The following TRAK1 variants were observed in gnomAD, a reference collection of about 807,000 sequenced individuals.
The protein encoded by TRAK1 is trafficking kinesin-binding protein 1.
In TRAK1, 33 loss-of-function variants were observed where a neutral mutation model predicts 92.1. The ratio of observed to expected loss-of-function variants is 0.36; its 90% CI spans 0.27 to 0.48. TRAK1 has a LOEUF of 0.48. Ranked by LOEUF, TRAK1 falls within the 20% of genes least tolerant of loss-of-function variation. The pLI, the probability that TRAK1 is intolerant of heterozygous loss-of-function variation, is 0.99. For missense variants in TRAK1, 1,123 were observed against 1,257.9 expected, an observed-to-expected ratio of 0.89 and a Z score of 1.62; for synonymous variants, 521 against 517.3, an observed-to-expected ratio of 1.01 and a Z score of -0.10.
At chr3:42,100,038 T>C (rs1179807123) in intron 1 of TRAK1, among the ~76,000 whole-genome samples, 1 of 151,944 alleles carries the variant, frequency 6.6e-6, no homozygotes, top group Non-Finnish European at 1.5e-5. Flanking sequence ...TTGGAATGGA[T>C]TGAAGGAAAG....
chr3:42,124,501 G>A (rs569976371), intron 1 of TRAK1, among the ~76,000 whole-genome samples: 1 of 152,190 alleles, frequency 6.6e-6, no homozygotes, highest in African/African-American at 2.4e-5. Context: ...TTGCCATGTT[G>A]TCATGTTTGC....
chr3:42,210,424 A>AC, intron 14 of TRAK1: 1 of 1,230,796 alleles, frequency 8.1e-7, no homozygotes, highest in Non-Finnish European at 1.0e-6. Flanking sequence ...AAAAAAAAAA[A>AC]AGTGGGCTTT....
chr3:42,067,942 C>T lies in TRAK1; in HGVS notation c.-518-19162C>T, dbSNP rs537545936. On this transcript the variant is annotated intron_variant, in intron 1 of 16. Transcript: ENST00000487159. ...ATCCCAGCACTTTGAGAGGCCGAGG[C>T]GGGCAGATCATCTGAGGTCAGGAGT... is the stretch of plus-strand genomic sequence containing the variant. Among the ~76,000 whole-genome samples the T allele has an allele frequency of 7.6e-4, 115 of 151,974 alleles. 3 individuals are homozygous for T. In the South Asian group the frequency reaches 0.017, roughly 23 times the overall value.
chr3:42,047,550 A>C (rs1702804574), intron 1 of TRAK1, among the ~76,000 whole-genome samples: 1 of 151,822 alleles, frequency 6.6e-6, no homozygotes, highest in African/African-American at 2.4e-5. Flanking sequence ...AAGTGGACTT[A>C]AGATTTACTT....
At chr3:42,219,791 T>TTG (rs1559406340) in intron 15 of TRAK1, among the ~76,000 whole-genome samples, 195 bp downstream of exon 15, 2 of 135,378 alleles carry the variant, frequency 1.5e-5, no homozygotes, top group African/African-American at 5.8e-5. Flanking sequence ...TATGTGTTTT[T>TTG]TTTTTTTTTT....
intron 1 of TRAK1, among the ~76,000 whole-genome samples, chr3:42,021,912 A>G (rs991673650): frequency 6.6e-6 from 1 of 152,170 alleles, no homozygotes; most frequent in African/African-American, 2.4e-5. Flanking sequence ...GAATTTATAC[A>G]TGTGCTTGGC....
intron 6 of TRAK1, among the ~76,000 whole-genome samples, chr3:42,191,104 C>T (rs573916851): frequency 6.6e-6 from 1 of 152,292 alleles, no homozygotes; most frequent in African/African-American, 2.4e-5. Flanking sequence ...CTTGGGACCT[C>T]ATATGTTCAG....
intron 9 of TRAK1, 53 bp from the exon 10 acceptor site, chr3:42,194,751 G>T: frequency 6.3e-7 from 1 of 1,599,556 alleles, no homozygotes; most frequent in South Asian, 1.1e-5. Flanking sequence ...GCAGATGTGT[G>T]TACACCTGGG....
chr3:42,018,100 A>G (rs1216481747), intron 1 of TRAK1, among the ~76,000 whole-genome samples: 1 of 150,928 alleles, frequency 6.6e-6, no homozygotes, highest in Non-Finnish European at 1.5e-5. Context: ...AAAAAAAAAA[A>G]AAAAAGACAA....
intron 1 of TRAK1, among the ~76,000 whole-genome samples, chr3:42,039,560 C>T (rs557557427): frequency 8.5e-5 from 13 of 152,290 alleles, no homozygotes; most frequent in Middle Eastern, 6.8e-3. Flanking sequence ...GACAGGGTTT[C>T]GCCATATTGG....
chr3:42,050,476 C>T (rs1702935576), intron 1 of TRAK1, among the ~76,000 whole-genome samples: 1 of 152,156 alleles, frequency 6.6e-6, no homozygotes, highest in Non-Finnish European at 1.5e-5. Context: ...CCAGTTCCTA[C>T]AAGCCCTGAA....
intron 14 of TRAK1, chr3:42,212,350 C>T (rs1447785704): frequency 2.0e-6 from 2 of 985,430 alleles, no homozygotes; most frequent in African/African-American, 3.5e-5. Context: ...TAGGGAGACA[C>T]TTTGGAGACA....
At chr3:42,192,493 C>T (rs990704550) in intron 7 of TRAK1, among the ~76,000 whole-genome samples, 2 of 152,100 alleles carry the variant, frequency 1.3e-5, no homozygotes, top group Non-Finnish European at 2.9e-5. Flanking sequence ...TGCATTTCGT[C>T]AAAGTACTAT....
At chr3:42,120,420 T>A (rs1224355014) in intron 1 of TRAK1, among the ~76,000 whole-genome samples, 1 of 150,524 alleles carries the variant, frequency 6.6e-6, no homozygotes. Flanking sequence ...CTTTCCTCCA[T>A]GGTGGGCCGG....
rs546684656 is a variant in TRAK1, at chr3:42,058,787, G to A, written c.-518-28317G>A. 3.9e-5 allele frequency among the ~76,000 whole-genome samples: 6 copies of A among 152,230 alleles called. No individual in the cohort carries two copies. The East Asian group carries it at 1.2e-3, about 29-fold the overall frequency. On this transcript the variant is annotated intron_variant, in intron 1 of 16. Coordinates refer to the TRAK1 transcript ENST00000487159. ...CTCCCACCCCCACACACAACAGATC[G>A]TAAGATACGCCATTGCTTTATGTAC...
rs377704615 is a variant in TRAK1 at position 42,156,828 on chromosome 3, T to C, written c.287-19986T>C. ...GGAAACCAAATGATCAAAGTAAACA[T>C]TGGGCTTTAAAAACTGGAGCTTTAA... On this transcript the variant is annotated intron_variant, in intron 2 of 15. Transcript: ENST00000327628. Among the ~76,000 whole-genome samples, 148 of 152,222 alleles carry C rather than the reference T, an allele frequency of 9.7e-4. 4 individuals are homozygous for C. The South Asian group carries it at 0.03, about 31-fold the overall frequency.
chr3:42,031,643 T>C (rs1702152627), intron 1 of TRAK1, among the ~76,000 whole-genome samples: 1 of 152,008 alleles, frequency 6.6e-6, no homozygotes, highest in South Asian at 2.1e-4. Context: ...AAAAAATAGT[T>C]TTCTGAACAT....
At chr3:42,144,789 A>G (rs771559834) in intron 2 of TRAK1, among the ~76,000 whole-genome samples, 2 of 151,636 alleles carry the variant, frequency 1.3e-5, no homozygotes, top group Non-Finnish European at 2.9e-5. Context: ...TTTCTGTTAC[A>G]TATAAAATTG....
At position 42,184,775 on chromosome 3, in the gene TRAK1, G is replaced by GAGCA. The variant is rs1231808630; in HGVS notation, c.455_458dup (p.Val154AlafsTer15). On this transcript the variant is annotated frameshift_variant, in exon 4 of 16. Transcript: ENST00000327628. LOFTEE classifies it high-confidence loss of function. ...AACCGAGAGGAACGAGCTGCTGGAGGAGCAGGTGGAACACATCAGGGAGGA... is the reference window on the plus strand; with the variant it reads ...AACCGAGAGGAACGAGCTGCTGGAGGAGCAAGCAGGTGGAACACATCAGGGAGGA... The GAGCA allele has an allele frequency of 6.2e-7, 1 of 1,614,002 alleles. No homozygotes were observed. The highest frequency in any genetic ancestry group is 8.5e-7 in the Non-Finnish European group (1 of 1,180,024).
Sources: allele counts gnomAD v4.1 joint callset (sites outside exome capture counted in the v4.1 genomes callset), GRCh38; gene constraint gnomAD v4.1.1; transcripts MANE v1.5; gene names NCBI Gene and HGNC (gene_info 2026-07-23, HGNC 2026-07-21).